The following PAK1 variants were observed in gnomAD, a reference collection of about 807,000 sequenced individuals.
The protein encoded by PAK1 is p21 (RAC1) activated kinase 1, also known as serine/threonine-protein kinase PAK 1.
Under a neutral mutation model 67.4 loss-of-function variants are expected in PAK1, and 29 were observed. That is an observed-to-expected ratio of 0.43 (90% CI 0.32 to 0.59). The LOEUF (loss-of-function observed/expected upper bound fraction) is 0.59. Among genes scored for constraint, PAK1 ranks in the 20% least tolerant of loss-of-function variants. The probability of loss-of-function intolerance (pLI) is 0.07; values close to 1 mark genes in which losing one functional copy is unlikely to be tolerated. For synonymous variants in PAK1, 223 were observed against 237.4 expected, an observed-to-expected ratio of 0.94 and a Z score of 0.56; for missense variants, 337 against 670.7, an observed-to-expected ratio of 0.50 and a Z score of 5.50.
intron 8 of PAK1, among the ~76,000 whole-genome samples, chr11:77,352,123 T>C (rs539325872): frequency 2.0e-5 from 3 of 152,254 alleles, no homozygotes; most frequent in South Asian, 4.1e-4. Flanking sequence ...TCTGCTCTTT[T>C]ATATCTGGCT....
intron 1 of PAK1, among the ~76,000 whole-genome samples, chr11:77,406,174 C>T (rs1347160329): frequency 1.3e-5 from 2 of 152,178 alleles, no homozygotes; most frequent in African/African-American, 4.8e-5. Context: ...CCTCCATTCT[C>T]ATGGCTTTAC....
intron 1 of PAK1, among the ~76,000 whole-genome samples, chr11:77,416,926 C>T (rs1394601552): frequency 6.6e-6 from 1 of 151,512 alleles, no homozygotes; most frequent in South Asian, 2.1e-4. Context: ...GCACTCCAGC[C>T]TGGGCAAGAG....
intron 1 of PAK1, among the ~76,000 whole-genome samples, chr11:77,427,708 T>C (rs930404307): frequency 8.5e-5 from 13 of 152,110 alleles, no homozygotes; most frequent in African/African-American, 2.9e-4. Context: ...GCAACAGATA[T>C]GTAAACAGCT....
the PAK1 span, among the ~76,000 whole-genome samples, chr11:77,503,383 T>C: frequency 0.7 from 107,027 of 152,112 alleles, 38,035 homozygotes; most frequent in East Asian, 0.93. Flanking sequence ...CATTAAAGCA[T>C]ATGCTGAGGC....
intron 1 of PAK1, among the ~76,000 whole-genome samples, chr11:77,398,811 G>A (rs971758197): frequency 4.5e-4 from 69 of 152,246 alleles, no homozygotes; most frequent in African/African-American, 1.5e-3. Context: ...CAACTATACT[G>A]TTCTTGAGGT....
intron 1 of PAK1, among the ~76,000 whole-genome samples, chr11:77,398,639 AAACAGG>A (rs2137618792): frequency 6.6e-6 from 1 of 152,366 alleles, no homozygotes. Flanking sequence ...GTGCTGCAAC[AAACAGG>A]AGTGCAGATA....
chr11:77,485,601 G>A, the PAK1 span, among the ~76,000 whole-genome samples: 10 of 151,992 alleles, frequency 6.6e-5, no homozygotes, highest in East Asian at 1.9e-4. Flanking sequence ...TCAGCCTCCC[G>A]AGTAGCTGAG....
the PAK1 span, among the ~76,000 whole-genome samples, chr11:77,501,660 G>C: frequency 1.3e-5 from 2 of 152,114 alleles, no homozygotes; most frequent in Non-Finnish European, 2.9e-5. Flanking sequence ...TTGCCCCCAG[G>C]GTCTCTGATA....
intron 13 of PAK1, among the ~76,000 whole-genome samples, chr11:77,335,556 C>G (rs1231280180): frequency 6.6e-6 from 1 of 152,194 alleles, no homozygotes; most frequent in Non-Finnish European, 1.5e-5. Flanking sequence ...CCACTTCTCA[C>G]TTCCACTCCT....
chr11:77,405,252 C>T (rs1953310974), intron 1 of PAK1, among the ~76,000 whole-genome samples: 1 of 152,138 alleles, frequency 6.6e-6, no homozygotes, highest in African/African-American at 2.4e-5. Context: ...AACCAGAGGT[C>T]AGACAGTGTG....
At chr11:77,504,834 T>C in the PAK1 span, among the ~76,000 whole-genome samples, 1 of 152,200 alleles carries the variant, frequency 6.6e-6, no homozygotes, top group Non-Finnish European at 1.5e-5. Context: ...CACTTATGAG[T>C]GCTCACCATT....
At chr11:77,406,193 A>G (rs1265407268) in intron 1 of PAK1, among the ~76,000 whole-genome samples, 1 of 152,146 alleles carries the variant, frequency 6.6e-6, no homozygotes, top group East Asian at 1.9e-4. Flanking sequence ...ACATATTATT[A>G]ATACGTTGAT....
chr11:77,472,040 C>T (rs1268949596), intron 1 of PAK1, among the ~76,000 whole-genome samples: 1 of 152,140 alleles, frequency 6.6e-6, no homozygotes, highest in East Asian at 1.9e-4. Context: ...GTTTACTTGT[C>T]TACCTCACCC....
chr11:77,343,991 C>T (rs1352214354), intron 9 of PAK1, 60 bp from the exon 10 acceptor site: 1 of 1,074,748 alleles, frequency 9.3e-7, no homozygotes, highest in Non-Finnish European at 1.4e-6. Flanking sequence ...TGAGCACCTG[C>T]TAAGTACCAG....
chr11:77,394,394 T>C lies in PAK1; in HGVS notation c.-21-1853A>G, dbSNP rs1051303291. Among the ~76,000 whole-genome samples, 6 of 152,322 alleles carry C rather than the reference T, an allele frequency of 3.9e-5. No homozygotes were observed. In the East Asian group the frequency reaches 1.2e-3, roughly 29 times the overall value. On this transcript the variant is annotated intron_variant, in intron 1 of 14. Coordinates refer to ENST00000356341, the MANE Select transcript of PAK1 (RefSeq NM_002576.5). ...CAGTCAGATTTGAATACTACCGCTT[T>C]AGGCATCAATTACTTAAAATACTAT...
At chr11:77,529,628 G>A in the PAK1 span, among the ~76,000 whole-genome samples, 1 of 152,186 alleles carries the variant, frequency 6.6e-6, no homozygotes, top group African/African-American at 2.4e-5. Flanking sequence ...ACATGTAACA[G>A]AGAAATGCCC....
chr11:77,510,222 C>CACTTATG, the PAK1 span, among the ~76,000 whole-genome samples: 1 of 152,146 alleles, frequency 6.6e-6, no homozygotes, highest in Non-Finnish European at 1.5e-5. Context: ...CTTTGTGATT[C>CACTTATG]ACTTATGACT....
rs550200236 is a variant in PAK1, at chr11:77,416,822, G to A, written c.-21-24281C>T. On this transcript the variant is annotated intron_variant, in intron 1 of 14. Coordinates refer to ENST00000356341, the MANE Select transcript of PAK1 (RefSeq NM_002576.5). ...CAAAAAATTAGCAGGGCGTGGTGGC[G>A]GGCGCCTATAGTCCCAGCTATTCTG... Among the ~76,000 whole-genome samples the A allele has an allele frequency of 2.9e-3, 443 of 152,206 alleles. 2 individuals carry two copies. Among genetic ancestry groups the A allele is most frequent in the African/African-American group, 9.8e-3 (406 of 41,538 alleles).
chr11:77,405,582 G>T (rs1045636284), intron 1 of PAK1, among the ~76,000 whole-genome samples: 1 of 151,354 alleles, frequency 6.6e-6, no homozygotes, highest in African/African-American at 2.4e-5. Flanking sequence ...AATTAAGATG[G>T]TATCTAAATT....
Sources: allele counts gnomAD v4.1 joint callset (sites outside exome capture counted in the v4.1 genomes callset), GRCh38; gene constraint gnomAD v4.1.1; transcripts MANE v1.5; gene names NCBI Gene and HGNC (gene_info 2026-07-23, HGNC 2026-07-21).